Variants in AP3B1 observed in about 807,000 individuals in gnomAD.
AP3B1 encodes adaptor related protein complex 3 subunit beta 1.
In AP3B1, 61 loss-of-function variants were observed where a neutral mutation model predicts 132.5. That is an observed-to-expected ratio of 0.46 (90% confidence interval 0.37 to 0.57). The LOEUF (loss-of-function observed/expected upper bound fraction) is 0.57. Ranked by LOEUF, AP3B1 falls within the 20% of genes least tolerant of loss-of-function variation. AP3B1 has a pLI of 0.00. For synonymous variants in AP3B1, 388 were observed against 438.3 expected (o/e 0.89, Z 1.43); for missense variants, 1,120 against 1,289.4 (o/e 0.87, Z 2.01).
At chr5:78,064,710 G>T (rs1749208010) in intron 22 of AP3B1, among the ~76,000 whole-genome samples, 1 of 152,098 alleles carries the variant, frequency 6.6e-6, no homozygotes, top group African/African-American at 2.4e-5. Flanking sequence ...GAGCATTTAA[G>T]AAATATAAAG....
At chr5:78,182,963 A>G (rs1209214306) in intron 7 of AP3B1, among the ~76,000 whole-genome samples, 1 of 152,190 alleles carries the variant, frequency 6.6e-6, no homozygotes, top group East Asian at 1.9e-4. Context: ...TGTCAAGGTG[A>G]CCTTATTCCT....
intron 22 of AP3B1, among the ~76,000 whole-genome samples, chr5:78,080,705 A>G (rs1749961651): frequency 6.6e-6 from 1 of 151,106 alleles, no homozygotes; most frequent in Non-Finnish European, 1.5e-5. Flanking sequence ...CACTTTAAAA[A>G]TTTTAAAAAT....
intron 22 of AP3B1, among the ~76,000 whole-genome samples, chr5:78,079,732 A>G (rs1749909727): frequency 6.6e-6 from 1 of 152,206 alleles, no homozygotes; most frequent in Admixed American, 6.5e-5. Flanking sequence ...AGAAGTATAA[A>G]GAATAGATTA....
chr5:78,015,349 A>G, intron 26 of AP3B1, 61 bp downstream of exon 26: 3 of 1,524,048 alleles, frequency 2.0e-6, no homozygotes, highest in South Asian at 2.3e-5. Context: ...TGAATTTAAA[A>G]TTATATATTT....
At chr5:78,071,542 A>T (rs1292927075) in intron 22 of AP3B1, among the ~76,000 whole-genome samples, 1 of 152,238 alleles carries the variant, frequency 6.6e-6, no homozygotes, top group African/African-American at 2.4e-5. Flanking sequence ...CACATCTTGC[A>T]CATGTATCCT....
chr5:78,274,923 A>C (rs561588183), intron 1 of AP3B1, among the ~76,000 whole-genome samples: 1 of 121,216 alleles, frequency 8.2e-6, no homozygotes, highest in Non-Finnish European at 1.7e-5. Flanking sequence ...TCTTTTTTTT[A>C]AAAAAAAAGG....
intron 15 of AP3B1, among the ~76,000 whole-genome samples, chr5:78,129,930 C>T (rs1752621113): frequency 6.6e-6 from 1 of 152,042 alleles, no homozygotes; most frequent in African/African-American, 2.4e-5. Context: ...CCTCTGAAAA[C>T]TAGGATAAAA....
At position 78,228,627 on chromosome 5, in the gene AP3B1, G is replaced by T. The variant is rs534054032; in HGVS notation, c.280-388C>A. On this transcript the variant is annotated intron_variant, in intron 3 of 26. Coordinates refer to ENST00000255194, the MANE Select transcript of AP3B1 (RefSeq NM_003664.5). The stretch of plus-strand genomic sequence containing the variant: ...CCCAGCTACACAGGAGGCTGAGGCA[G>T]GAGGATCACTTGAGCCCAGGAGTTA... 5.9e-5 allele frequency among the ~76,000 whole-genome samples: 9 copies of T among 152,340 alleles called. 1 individual carries two copies. In the South Asian group the frequency reaches 1.9e-3, roughly 32 times the overall value.
chr5:78,275,632 C>T (rs1748741271), intron 1 of AP3B1, among the ~76,000 whole-genome samples: 1 of 152,040 alleles, frequency 6.6e-6, no homozygotes, highest in South Asian at 2.1e-4. Flanking sequence ...CGCGCCACCA[C>T]ACCCAGCTAA....
At chr5:78,240,619 A>C (rs1747088630) in intron 3 of AP3B1, among the ~76,000 whole-genome samples, 1 of 152,220 alleles carries the variant, frequency 6.6e-6, no homozygotes, top group Non-Finnish European at 1.5e-5. Flanking sequence ...AAAACTCGAC[A>C]ACTTACCATC....
chr5:78,092,483 G>T (rs1158916225), intron 21 of AP3B1, among the ~76,000 whole-genome samples: 2 of 151,924 alleles, frequency 1.3e-5, no homozygotes, highest in African/African-American at 2.4e-5. Context: ...ACTCTATGGG[G>T]TTTTTAAAAA....
At chr5:78,097,018 G>A (rs1236770796) in intron 21 of AP3B1, among the ~76,000 whole-genome samples, 1 of 129,624 alleles carries the variant, frequency 7.7e-6, no homozygotes, top group Non-Finnish European at 1.6e-5. Flanking sequence ...AGGTGGGGGG[G>A]TCAGCCCCCC....
intron 17 of AP3B1, among the ~76,000 whole-genome samples, chr5:78,125,666 CA>C (rs1209616000): frequency 1.3e-5 from 2 of 152,128 alleles, no homozygotes. Context: ...CTGTTTTCTG[CA>C]TGGCATCAAC....
intron 7 of AP3B1, among the ~76,000 whole-genome samples, chr5:78,204,858 T>C (rs540294216): frequency 6.6e-6 from 1 of 152,338 alleles, no homozygotes; most frequent in Admixed American, 6.5e-5. Flanking sequence ...GGCCCCATTT[T>C]CTTAAATGTT....
At chr5:78,227,833 T>C (rs1746462959) in intron 4 of AP3B1, among the ~76,000 whole-genome samples, 1 of 152,228 alleles carries the variant, frequency 6.6e-6, no homozygotes, top group African/African-American at 2.4e-5. Context: ...ATCAATTTCA[T>C]GTTTAAAAAT....
chr5:78,153,726 G>A (rs530040274), intron 14 of AP3B1, among the ~76,000 whole-genome samples: 12 of 151,960 alleles, frequency 7.9e-5, no homozygotes, highest in South Asian at 4.2e-4. Flanking sequence ...TCCACTTTAC[G>A]TTTTTAGATT....
chr5:78,273,630 G>C (rs999297203), intron 1 of AP3B1, among the ~76,000 whole-genome samples: 1 of 152,128 alleles, frequency 6.6e-6, no homozygotes, highest in Non-Finnish European at 1.5e-5. Flanking sequence ...AATGTTGGCT[G>C]CAATTCCTAA....
chr5:78,003,038 A>G lies in AP3B1; in HGVS notation c.3149T>C (p.Val1050Ala). ...GACTAGCATCAATGACCCACTGTGC[A>G]CAGTTTTAGCTGCAAACCTGGAAGA... ...DNIHRFAAKT[V>A]HSGSLMLVTV... Residue 1050 changes from valine to alanine, a missense_variant, in exon 27 of 27, where the codon GTG (valine) becomes GCG (alanine). By Grantham distance (64) the Val-to-Ala change is moderately conservative. Transcript: ENST00000255194. 2 of 1,614,222 alleles carry G rather than the reference A, an allele frequency of 1.2e-6. No individual in the cohort carries two copies. Among genetic ancestry groups the G allele is most frequent in the Non-Finnish European group, 1.7e-6 (2 of 1,180,030 alleles).
chr5:78,130,529 T>C (rs1752641552), intron 15 of AP3B1, among the ~76,000 whole-genome samples: 1 of 152,082 alleles, frequency 6.6e-6, no homozygotes. Context: ...AAAATGTTAA[T>C]AGAGCTATTC....
Sources: allele counts gnomAD v4.1 joint callset (sites outside exome capture counted in the v4.1 genomes callset), GRCh38; gene constraint gnomAD v4.1.1; transcripts MANE v1.5; gene names NCBI Gene and HGNC (gene_info 2026-07-23, HGNC 2026-07-21).